Variants in GPC5 observed in about 807,000 individuals in gnomAD.
GPC5 encodes glypican-5.
In GPC5, 47 loss-of-function variants were observed where a neutral mutation model predicts 53.9. That is an observed-to-expected ratio of 0.87 (90% confidence interval 0.69 to 1.11). GPC5 has a LOEUF of 1.11. Ranked by LOEUF, GPC5 falls within the 50% of genes most tolerant of loss-of-function variation. GPC5 has a pLI of 0.00. For synonymous variants in GPC5, 286 were observed against 263.3 expected (o/e 1.09, Z -0.84); for missense variants, 748 against 713.1 (o/e 1.05, Z -0.56).
chr13:91,796,388 C>G (rs539651717), intron 5 of GPC5, among the ~76,000 whole-genome samples: 2 of 152,072 alleles, frequency 1.3e-5, no homozygotes, highest in African/African-American at 4.8e-5. Flanking sequence ...TGGTGGACAG[C>G]GAGCCAAAGC....
intron 6 of GPC5, among the ~76,000 whole-genome samples, chr13:92,033,074 T>TGTGC (rs1491301836): frequency 1.1e-4 from 17 of 148,902 alleles, no homozygotes; most frequent in African/African-American, 3.9e-4. Context: ...TGTGTGTGTG[T>TGTGC]GCTTCTCATT....
At chr13:92,034,577 A>G (rs1348733288) in intron 6 of GPC5, among the ~76,000 whole-genome samples, 2 of 152,196 alleles carry the variant, frequency 1.3e-5, no homozygotes, top group East Asian at 1.9e-4. Context: ...CTACTAGTGC[A>G]AGGGCAGGAG....
intron 7 of GPC5, among the ~76,000 whole-genome samples, chr13:92,661,421 G>A (rs1349853209): frequency 2.0e-5 from 3 of 150,460 alleles, no homozygotes. Context: ...ATGAGATTGT[G>A]TACATACCTA....
chr13:92,008,187 T>C (rs547110709), intron 6 of GPC5, among the ~76,000 whole-genome samples: 21 of 151,308 alleles, frequency 1.4e-4, no homozygotes, highest in South Asian at 4.2e-4. Flanking sequence ...TTCAGCCTCC[T>C]GAGTAGCTGG....
chr13:92,311,385 A>G (rs1329292951), intron 7 of GPC5, among the ~76,000 whole-genome samples: 1 of 152,190 alleles, frequency 6.6e-6, no homozygotes, highest in African/African-American at 2.4e-5. Flanking sequence ...TTTAACAACT[A>G]CATACATTAT....
chr13:91,900,652 A>G (rs1594651057), intron 5 of GPC5, among the ~76,000 whole-genome samples: 1 of 152,264 alleles, frequency 6.6e-6, no homozygotes, highest in African/African-American at 2.4e-5. Context: ...AGCTTTGACT[A>G]TAAAAAACGT....
chr13:92,487,547 A>G (rs1228083364), intron 7 of GPC5, among the ~76,000 whole-genome samples: 2 of 152,202 alleles, frequency 1.3e-5, no homozygotes, highest in Non-Finnish European at 2.9e-5. Flanking sequence ...AGAAGCCTCA[A>G]TATATTTCAA....
At chr13:92,453,192 T>C (rs890287577) in intron 7 of GPC5, among the ~76,000 whole-genome samples, 2 of 152,232 alleles carry the variant, frequency 1.3e-5, no homozygotes, top group Non-Finnish European at 2.9e-5. Flanking sequence ...GAAAATGCAA[T>C]ACAACTATTG....
At chr13:91,919,493 A>G (rs994200402) in intron 6 of GPC5, among the ~76,000 whole-genome samples, 1 of 152,226 alleles carries the variant, frequency 6.6e-6, no homozygotes, top group South Asian at 2.1e-4. Context: ...GTTAATCACT[A>G]TGCTGCTGTG....
intron 2 of GPC5, among the ~76,000 whole-genome samples, chr13:91,553,085 C>T (rs1166889171): frequency 6.6e-6 from 1 of 151,874 alleles, no homozygotes; most frequent in Non-Finnish European, 1.5e-5. Flanking sequence ...AATATGGTAC[C>T]TGCTGTGTGT....
intron 6 of GPC5, among the ~76,000 whole-genome samples, chr13:91,940,675 A>G (rs112700029): frequency 0.024 from 3,714 of 152,082 alleles, 149 homozygotes; most frequent in African/African-American, 0.085. Flanking sequence ...TGACTTTTTG[A>G]TAATAGCCAC....
chr13:92,313,404 T>C (rs530239924), intron 7 of GPC5, among the ~76,000 whole-genome samples: 1 of 152,318 alleles, frequency 6.6e-6, no homozygotes, highest in South Asian at 2.1e-4. Context: ...AGTGTCTGAA[T>C]TTTACCCAAG....
intron 4 of GPC5, among the ~76,000 whole-genome samples, chr13:91,732,981 C>T (rs913857118): frequency 1.3e-5 from 2 of 152,074 alleles, no homozygotes; most frequent in Non-Finnish European, 2.9e-5. Flanking sequence ...GTTCTTTTTA[C>T]TTAAGATTGT....
chr13:92,356,086 T>C (rs1480421059), intron 7 of GPC5, among the ~76,000 whole-genome samples: 1 of 152,164 alleles, frequency 6.6e-6, no homozygotes, highest in Non-Finnish European at 1.5e-5. Flanking sequence ...AGGGGATAAC[T>C]TCCCTGCTCG....
At chr13:92,137,005 A>C (rs918171219) in intron 6 of GPC5, among the ~76,000 whole-genome samples, 1 of 152,186 alleles carries the variant, frequency 6.6e-6, no homozygotes, top group Admixed American at 6.5e-5. Flanking sequence ...TTGGCTAATC[A>C]GCTGACTGCA....
At chr13:92,835,370 A>G (rs887119900) in intron 7 of GPC5, among the ~76,000 whole-genome samples, 5 of 151,958 alleles carry the variant, frequency 3.3e-5, no homozygotes, top group Non-Finnish European at 7.4e-5. Flanking sequence ...AATTTCTTCT[A>G]TCCTTAAATA....
chr13:92,035,113 G>A (rs1176613873), intron 6 of GPC5, among the ~76,000 whole-genome samples: 2 of 151,874 alleles, frequency 1.3e-5, no homozygotes, highest in Non-Finnish European at 1.5e-5. Context: ...TACTCGGGAG[G>A]CTGAGGCAGG....
In GPC5 at chr13:91,474,888, CA is replaced by C. The variant is rs1398050039; in HGVS notation, c.325+25967del. ...CTTATTGGATATTTACTATGGGTGA[CA>C]CTACTATTAAAGTATATAGCATTTA... On this transcript the variant is annotated intron_variant, in intron 2 of 7. Coordinates refer to ENST00000377067, the MANE Select transcript of GPC5 (RefSeq NM_004466.6). 8.5e-5 allele frequency among the ~76,000 whole-genome samples: 13 copies of C among 152,140 alleles called. No homozygotes were observed. The South Asian group carries it at 2.7e-3, about 32-fold the overall frequency.
intron 2 of GPC5, among the ~76,000 whole-genome samples, chr13:91,496,802 T>C (rs1454034395): frequency 1.3e-5 from 2 of 152,248 alleles, no homozygotes; most frequent in African/African-American, 2.4e-5. Flanking sequence ...ACGCAAAAGA[T>C]GAATGCTTGA....
Sources: allele counts gnomAD v4.1 joint callset (sites outside exome capture counted in the v4.1 genomes callset), GRCh38; gene constraint gnomAD v4.1.1; transcripts MANE v1.5; gene names NCBI Gene and HGNC (gene_info 2026-07-23, HGNC 2026-07-21).